Variants in TAF4B observed in about 807,000 individuals in gnomAD.
TAF4B encodes TATA-box binding protein associated factor 4b.
TAF4B carries 38 observed loss-of-function variants against 86.4 expected under a neutral mutation model. The observed-to-expected ratio is 0.44, with a 90% CI of 0.34 to 0.58. The LOEUF (loss-of-function observed/expected upper bound fraction) is 0.58, where lower values mean the gene tolerates loss of function less well. TAF4B is among the 20% of genes least tolerant of loss of function. TAF4B has a pLI of 0.02. For missense variants in TAF4B, 988 were observed against 1,027.6 expected (o/e 0.96, Z 0.53); for synonymous variants, 388 against 391.2 (o/e 0.99, Z 0.10).
intron 5 of TAF4B, among the ~76,000 whole-genome samples, chr18:26,280,794 A>T (rs910275035): frequency 2.0e-5 from 3 of 152,244 alleles, no homozygotes; most frequent in Non-Finnish European, 2.9e-5. Flanking sequence ...CAGTGCCATT[A>T]CTGGGTATAT....
chr18:26,364,010 T>A (rs2057350761), intron 14 of TAF4B, among the ~76,000 whole-genome samples: 1 of 152,248 alleles, frequency 6.6e-6, no homozygotes, highest in Non-Finnish European at 1.5e-5. Flanking sequence ...ACCTTTATTG[T>A]TGCTAAGAAA....
intron 5 of TAF4B, 60 bp from the exon 6 acceptor site, chr18:26,281,911 C>T (rs929506839): frequency 1.6e-6 from 2 of 1,268,550 alleles, no homozygotes; most frequent in Non-Finnish European, 2.3e-6. Flanking sequence ...GAATTATATA[C>T]TTTGTCTCTT....
At chr18:26,264,898 A>G (rs748274790) in intron 1 of TAF4B, among the ~76,000 whole-genome samples, 6 of 152,168 alleles carry the variant, frequency 3.9e-5, no homozygotes, top group Non-Finnish European at 2.9e-5. Context: ...CACCATCTTA[A>G]TTACTGTAGC....
intron 1 of TAF4B, among the ~76,000 whole-genome samples, chr18:26,231,717 T>C (rs557005577): frequency 6.6e-6 from 1 of 152,248 alleles, no homozygotes; most frequent in South Asian, 2.1e-4. Context: ...GTGGTCTTGC[T>C]GACTTCAAGA....
chr18:26,387,510 A>G (rs1978443656), intron 14 of TAF4B, among the ~76,000 whole-genome samples: 1 of 152,206 alleles, frequency 6.6e-6, no homozygotes, highest in African/African-American at 2.4e-5. Context: ...ATAATTTACA[A>G]TAGTTAAAGT....
At chr18:26,261,241 GCGGGA>G (rs2056162039) in intron 1 of TAF4B, among the ~76,000 whole-genome samples, 5 of 140,100 alleles carry the variant, frequency 3.6e-5, no homozygotes, top group African/African-American at 1.0e-4. Context: ...GAGTGCAGTG[GCGGGA>G]TCTCGGCTCA....
rs115823050 is a variant in TAF4B at position 26,236,882 on chromosome 18, A to G, written c.343+9606A>G. Among the ~76,000 whole-genome samples the G allele has an allele frequency of 4.8e-3, 738 of 152,264 alleles. 8 individuals carry two copies. Among genetic ancestry groups the G allele is most frequent in the African/African-American group, 0.017 (699 of 41,556 alleles). ...TCCTGATATCTGCAGCTGATTGCAT[A>G]ATAAACTTATCTTTGAGGATCAATT... On this transcript the variant is annotated intron_variant, in intron 1 of 14. Coordinates refer to ENST00000269142, the MANE Select transcript of TAF4B (RefSeq NM_005640.3).
chr18:26,271,904 TG>T (rs2056323310), intron 3 of TAF4B, among the ~76,000 whole-genome samples: 1 of 134,194 alleles, frequency 7.5e-6, no homozygotes, highest in African/African-American at 2.9e-5. Flanking sequence ...TCCAGCCTGG[TG>T]GACAGAGCCA....
chr18:26,330,198 T>C (rs1403060960), intron 12 of TAF4B, among the ~76,000 whole-genome samples: 2 of 152,246 alleles, frequency 1.3e-5, no homozygotes, highest in Non-Finnish European at 2.9e-5. Context: ...TCTCCTCGTT[T>C]TATTAGCACC....
intron 13 of TAF4B, among the ~76,000 whole-genome samples, chr18:26,357,438 TA>T (rs1485712896): frequency 1.3e-5 from 2 of 152,214 alleles, no homozygotes; most frequent in Non-Finnish European, 2.9e-5. Context: ...AATTAAGCTT[TA>T]GATGCCTTTC....
rs982528992 is a variant in TAF4B, at chr18:26,239,225, A to G, written c.343+11949A>G. Reference sequence around the variant, plus strand: ...CCACCAACAGTGTAAAAGTGTTCCTATTTCTCCACATCCTCTCCAGCACCT... The same window carrying G: ...CCACCAACAGTGTAAAAGTGTTCCTGTTTCTCCACATCCTCTCCAGCACCT... On this transcript the variant is annotated intron_variant, in intron 1 of 14. Coordinates refer to ENST00000269142, the MANE Select transcript of TAF4B (RefSeq NM_005640.3). Among the ~76,000 whole-genome samples, 8 of 152,052 alleles carry G rather than the reference A, an allele frequency of 5.3e-5. No homozygotes were observed. The East Asian group carries it at 1.2e-3, about 22-fold the overall frequency.
chr18:26,308,621 C>T (rs553623251), intron 9 of TAF4B, among the ~76,000 whole-genome samples: 3 of 152,082 alleles, frequency 2.0e-5, no homozygotes, highest in South Asian at 2.1e-4. Context: ...ACCTGTAATC[C>T]GAGCACTTTG....
intron 9 of TAF4B, among the ~76,000 whole-genome samples, chr18:26,305,716 T>A (rs970099746): frequency 2.6e-5 from 4 of 152,176 alleles, no homozygotes; most frequent in Non-Finnish European, 4.4e-5. Context: ...TCGATTGTTA[T>A]AACATCTTTA....
intron 9 of TAF4B, among the ~76,000 whole-genome samples, chr18:26,297,849 A>G (rs1397702679): frequency 2.0e-5 from 3 of 152,172 alleles, no homozygotes; most frequent in Non-Finnish European, 4.4e-5. Context: ...CTATAAATAC[A>G]TAGAACAGAA....
At chr18:26,325,213 A>G (rs1443548080) in intron 11 of TAF4B, among the ~76,000 whole-genome samples, 1 of 152,212 alleles carries the variant, frequency 6.6e-6, no homozygotes, top group Non-Finnish European at 1.5e-5. Flanking sequence ...CTATATGACT[A>G]TGGCCCTGAA....
chr18:26,322,499 A>G (rs2056971378), intron 11 of TAF4B, among the ~76,000 whole-genome samples: 1 of 152,030 alleles, frequency 6.6e-6, no homozygotes, highest in Non-Finnish European at 1.5e-5. Flanking sequence ...GAATTTTTTC[A>G]TTTCTCCTAG....
At position 26,282,080 on chromosome 18, in the gene TAF4B, A is replaced by C. The variant is rs1341854334; in HGVS notation, c.972+20A>C. 2 of 1,556,564 alleles carry C rather than the reference A, an allele frequency of 1.3e-6. No individual in the cohort carries two copies. Among genetic ancestry groups the C allele is most frequent in the Admixed American group, 3.5e-5 (2 of 56,888 alleles). On this transcript the variant is annotated intron_variant, in intron 6 of 14. Transcript: ENST00000269142. ...CTTAAGGTAGAGTTATGTGTCACTT[A>C]GAAGAAATAATTTGGATTAGATTAC... is the stretch of plus-strand genomic sequence containing the variant.
chr18:26,332,888 A>G (rs1196625160), intron 12 of TAF4B, among the ~76,000 whole-genome samples: 1 of 152,104 alleles, frequency 6.6e-6, no homozygotes, highest in Non-Finnish European at 1.5e-5. Flanking sequence ...ATGGCCTACA[A>G]GGCAACACAT....
chr18:26,328,955 T>G (rs2057029433), intron 12 of TAF4B, among the ~76,000 whole-genome samples: 1 of 151,830 alleles, frequency 6.6e-6, no homozygotes, highest in South Asian at 2.1e-4. Flanking sequence ...ACACATACAA[T>G]CATTAATCCC....
Sources: allele counts gnomAD v4.1 joint callset (sites outside exome capture counted in the v4.1 genomes callset), GRCh38; gene constraint gnomAD v4.1.1; transcripts MANE v1.5; gene names NCBI Gene and HGNC (gene_info 2026-07-23, HGNC 2026-07-21).